The following FAF1 variants were observed in gnomAD, a reference collection of about 807,000 sequenced individuals.
The protein encoded by FAF1 is FAS-associated factor 1.
A neutral mutation model predicts 92.5 loss-of-function variants in FAF1; 25 were observed. That is an observed-to-expected ratio of 0.27 (90% CI 0.20 to 0.38). The LOEUF (loss-of-function observed/expected upper bound fraction) is 0.38. FAF1 is among the 10% of genes least tolerant of loss of function. FAF1 has a pLI of 1.00. For synonymous variants in FAF1, 234 were observed against 273.2 expected (o/e 0.86, Z 1.42); for missense variants, 636 against 793.3 (o/e 0.80, Z 2.38).
rs1404155846 is a variant in FAF1, at chr1:50,819,802, C to T, written c.115-18125G>A. Among the ~76,000 whole-genome samples the T allele has an allele frequency of 6.6e-4, 57 of 86,190 alleles. 5 individuals are homozygous for T. Among genetic ancestry groups the T allele is most frequent in the African/African-American group, 2.4e-3 (51 of 21,058 alleles). The allele number at this position is 86,190 out of a possible 152,430, so 56.5% of individuals were successfully genotyped here. On this transcript the variant is annotated intron_variant, in intron 2 of 18. Transcript: ENST00000396153. Reference sequence around the variant, plus strand: ...ACATATATATACATATATATATATACATATATATATATATATAGTATTGTA... The same window carrying T: ...ACATATATATACATATATATATATATATATATATATATATATAGTATTGTA...
At chr1:50,660,976 G>A (rs192893694) in intron 7 of FAF1, among the ~76,000 whole-genome samples, 112 of 152,088 alleles carry the variant, frequency 7.4e-4, no homozygotes, top group African/African-American at 2.7e-3. Context: ...AGGAAAAGAG[G>A]TGCTAAACAT....
At chr1:50,641,774 C>A (rs191803055) in intron 8 of FAF1, among the ~76,000 whole-genome samples, 5 of 152,302 alleles carry the variant, frequency 3.3e-5, no homozygotes, top group Admixed American at 2.6e-4. Context: ...AAAATGAAAT[C>A]TCTACCTGTG....
chr1:50,572,987 C>A (rs945271810), intron 12 of FAF1, among the ~76,000 whole-genome samples: 1 of 152,086 alleles, frequency 6.6e-6, no homozygotes, highest in East Asian at 1.9e-4. Flanking sequence ...ACCTGGCCTG[C>A]GAAGGTGATA....
chr1:50,693,617 AAAAAT>A (rs1009020432), intron 7 of FAF1, among the ~76,000 whole-genome samples: 54 of 152,300 alleles, frequency 3.5e-4, no homozygotes, highest in African/African-American at 1.2e-3. Flanking sequence ...CTTTAAGATA[AAAAAT>A]AAAATTTCTT....
chr1:50,584,203 G>A (rs376730202), intron 10 of FAF1, among the ~76,000 whole-genome samples: 18 of 152,176 alleles, frequency 1.2e-4, no homozygotes, highest in Middle Eastern at 3.4e-3. Context: ...CATTTTGCAC[G>A]TAGCATGTCT....
intron 8 of FAF1, among the ~76,000 whole-genome samples, chr1:50,626,339 CA>C (rs550894756): frequency 1.8e-4 from 28 of 152,058 alleles, no homozygotes; most frequent in African/African-American, 6.8e-4. Context: ...CCTTGTGGAA[CA>C]TATGGTATAA....
intron 3 of FAF1, among the ~76,000 whole-genome samples, chr1:50,793,697 A>G (rs1374529104): frequency 6.6e-6 from 1 of 152,212 alleles, no homozygotes; most frequent in Non-Finnish European, 1.5e-5. Flanking sequence ...GGGTAGACTA[A>G]TACCTTCATT....
At chr1:50,492,390 T>A (rs1442772338) in intron 15 of FAF1, among the ~76,000 whole-genome samples, 2 of 152,174 alleles carry the variant, frequency 1.3e-5, no homozygotes, top group Non-Finnish European at 2.9e-5. Context: ...ATTTCCCCAT[T>A]ACATTCACAC....
chr1:50,449,490 T>C (rs922026174), intron 18 of FAF1, among the ~76,000 whole-genome samples: 1 of 100,696 alleles, frequency 9.9e-6, no homozygotes, highest in East Asian at 2.6e-4. Context: ...TTTTTCTTTC[T>C]TTTTTTTTTT....
intron 17 of FAF1, among the ~76,000 whole-genome samples, chr1:50,490,149 C>A (rs866412715): frequency 1.2e-4 from 18 of 152,102 alleles, no homozygotes; most frequent in African/African-American, 4.3e-4. Flanking sequence ...CACTTCAGGT[C>A]AGGAGTTCGA....
chr1:50,818,697 AT>A (rs1644001405), intron 2 of FAF1, among the ~76,000 whole-genome samples: 2 of 152,100 alleles, frequency 1.3e-5, no homozygotes, highest in South Asian at 4.2e-4. Context: ...TGGATTTTGG[AT>A]TTTTTCAGAT....
At chr1:50,524,215 G>C (rs547370796) in intron 15 of FAF1, among the ~76,000 whole-genome samples, 1 of 152,014 alleles carries the variant, frequency 6.6e-6, no homozygotes, top group Non-Finnish European at 1.5e-5. Flanking sequence ...GTGTCTGTTC[G>C]TGCCCTTTGG....
chr1:50,753,959 C>T (rs1054223455), intron 4 of FAF1, among the ~76,000 whole-genome samples: 10 of 151,764 alleles, frequency 6.6e-5, no homozygotes, highest in Admixed American at 2.6e-4. Context: ...GGTTTCAACA[C>T]GTTGGCCAGG....
chr1:50,564,535 T>C (rs1167578669), intron 13 of FAF1, among the ~76,000 whole-genome samples: 1 of 152,086 alleles, frequency 6.6e-6, no homozygotes, highest in Non-Finnish European at 1.5e-5. Flanking sequence ...ACCCCATGGA[T>C]CAATAAATAT....
chr1:50,494,627 C>A (rs1284242093), intron 15 of FAF1, among the ~76,000 whole-genome samples: 1 of 152,184 alleles, frequency 6.6e-6, no homozygotes, highest in African/African-American at 2.4e-5. Flanking sequence ...TTCTTTGTAA[C>A]ATACTTGTCA....
chr1:50,492,191 T>C (rs956158168), intron 15 of FAF1, among the ~76,000 whole-genome samples: 12 of 152,184 alleles, frequency 7.9e-5, no homozygotes, highest in African/African-American at 2.7e-4. Flanking sequence ...TCTCTTCTCC[T>C]TTTCTCCTGA....
At chr1:50,656,849 C>T (rs973717833) in intron 7 of FAF1, among the ~76,000 whole-genome samples, 6 of 152,058 alleles carry the variant, frequency 3.9e-5, no homozygotes, top group Admixed American at 3.3e-4. Flanking sequence ...TGCCACTGCG[C>T]TCCAGCCTGG....
At chr1:50,460,552 T>C (rs1646412908) in intron 18 of FAF1, among the ~76,000 whole-genome samples, 1 of 152,132 alleles carries the variant, frequency 6.6e-6, no homozygotes, top group Admixed American at 6.6e-5. Context: ...ACAGTATATA[T>C]TAATGTGTCT....
chr1:50,523,823 T>G (rs1647638347), intron 15 of FAF1, among the ~76,000 whole-genome samples: 1 of 152,222 alleles, frequency 6.6e-6, no homozygotes. Context: ...TCCATGTCTT[T>G]GCTATTGTGA....
Sources: allele counts gnomAD v4.1 joint callset (sites outside exome capture counted in the v4.1 genomes callset), GRCh38; gene constraint gnomAD v4.1.1; transcripts MANE v1.5; gene names NCBI Gene and HGNC (gene_info 2026-07-23, HGNC 2026-07-21).